The following DOCK10 variants were observed in gnomAD, a reference collection of about 807,000 sequenced individuals.
DOCK10 encodes dedicator of cytokinesis 10, also known as dedicator of cytokinesis protein 10.
Under a neutral mutation model 280.1 loss-of-function variants are expected in DOCK10, and 145 were observed. The ratio of observed to expected loss-of-function variants is 0.52; its 90% CI spans 0.45 to 0.59. The LOEUF (loss-of-function observed/expected upper bound fraction) is 0.59. DOCK10 is among the 20% of genes least tolerant of loss of function. DOCK10 has a pLI of 0.00. For missense variants in DOCK10, 2,368 were observed against 2,651.7 expected, an observed-to-expected ratio of 0.89 and a Z score of 2.35; for synonymous variants, 915 against 942.2, an observed-to-expected ratio of 0.97 and a Z score of 0.53.
At chr2:224,864,483 C>T in intron 13 of DOCK10, 70 bp downstream of exon 13, 1 of 1,423,718 alleles carries the variant, frequency 7.0e-7, no homozygotes, top group Non-Finnish European at 9.3e-7. Context: ...GCACTCCAGC[C>T]TGGGTGACAG....
chr2:224,781,324 C>A (rs1691320564), intron 50 of DOCK10, among the ~76,000 whole-genome samples: 1 of 152,070 alleles, frequency 6.6e-6, no homozygotes, highest in African/African-American at 2.4e-5. Flanking sequence ...GAAATGTAAA[C>A]CTGTTTTGTA....
intron 1 of DOCK10, among the ~76,000 whole-genome samples, chr2:224,945,990 C>G (rs906054877): frequency 1.3e-5 from 2 of 152,004 alleles, no homozygotes; most frequent in Non-Finnish European, 2.9e-5. Flanking sequence ...AACCCTGCTC[C>G]GAAAAAGGCA....
At chr2:225,027,603 T>G (rs147729861) in intron 1 of DOCK10, among the ~76,000 whole-genome samples, 2,549 of 152,144 alleles carry the variant, frequency 0.017, 40 homozygotes, top group Non-Finnish European at 0.024. Context: ...AAGTGTGTAG[T>G]GCCCCCTCCC....
chr2:224,974,438 T>C (rs1316690374), intron 1 of DOCK10, among the ~76,000 whole-genome samples: 1 of 152,168 alleles, frequency 6.6e-6, no homozygotes, highest in Non-Finnish European at 1.5e-5. Context: ...TATTGAAGGC[T>C]GACAAAAATA....
At chr2:224,968,413 A>G (rs892645713) in intron 1 of DOCK10, among the ~76,000 whole-genome samples, 9 of 152,342 alleles carry the variant, frequency 5.9e-5, no homozygotes, top group African/African-American at 1.9e-4. Flanking sequence ...AACAGTTCTC[A>G]TCTCCTGCAA....
At chr2:224,889,260 T>G (rs1444843048) in intron 4 of DOCK10, among the ~76,000 whole-genome samples, 4 of 152,220 alleles carry the variant, frequency 2.6e-5, no homozygotes, top group Non-Finnish European at 4.4e-5. Flanking sequence ...ATTGCTATTC[T>G]GTGCACTCAC....
At position 224,797,182 on chromosome 2, in the gene DOCK10, T is replaced by A. The variant is rs530103213; in HGVS notation, c.4645-36A>T. On this transcript the variant is annotated intron_variant, in intron 42 of 55. Transcript: ENST00000258390. ...GGAAGAACGGGTGAAGGGAGCAACA[T>A]GCCTTCATTTTGCTCTGTTCATTCT... 14 of 1,517,702 alleles carry A rather than the reference T, an allele frequency of 9.2e-6. 1 individual carries two copies. In the South Asian group the frequency reaches 1.8e-4, roughly 19 times the overall value. The allele number at this position is 1,517,702 out of a possible 1,614,324, so 94.0% of individuals were successfully genotyped here.
chr2:224,948,118 C>T (rs1317413537), intron 1 of DOCK10, among the ~76,000 whole-genome samples: 1 of 152,176 alleles, frequency 6.6e-6, no homozygotes, highest in African/African-American at 2.4e-5. Context: ...CTAGGCTGTT[C>T]TCTTTTCCCC....
intron 1 of DOCK10, among the ~76,000 whole-genome samples, chr2:224,944,076 GA>G (rs1167605285): frequency 1.3e-5 from 2 of 152,100 alleles, no homozygotes; most frequent in Non-Finnish European, 2.9e-5. Flanking sequence ...TTAGATTTTA[GA>G]AAGCTTAGAT....
chr2:224,829,925 T>C (rs557747484), intron 27 of DOCK10, among the ~76,000 whole-genome samples: 23 of 152,338 alleles, frequency 1.5e-4, no homozygotes, highest in African/African-American at 5.3e-4. Context: ...AGCAGATTCA[T>C]GAACTTGTAC....
intron 3 of DOCK10, among the ~76,000 whole-genome samples, chr2:224,911,682 C>T (rs556089790): frequency 1.6e-3 from 239 of 152,156 alleles, no homozygotes; most frequent in African/African-American, 5.3e-3. Context: ...GCCTTGGGTT[C>T]TAGAGACTCA....
At position 224,773,285 on chromosome 2, in the gene DOCK10, G is replaced by A. The variant is rs1164747828; in HGVS notation, c.6076C>T (p.Leu2026=). ...IQVISQSSTE[L]NPIEVAIDEM... is the part of the protein sequence containing the mutation. ...TCAATTGCCACTTCAATTGGATTCA[G>A]TTCTGTGCTCGATTGGCTAATTACT... Residue 2026 remains leucine, a synonymous_variant, in exon 53 of 56, where the codon CTG becomes TTG. Coordinates refer to ENST00000258390, the MANE Select transcript of DOCK10 (RefSeq NM_014689.3). 1 of 1,613,920 alleles carries A rather than the reference G, an allele frequency of 6.2e-7. No individual in the cohort carries two copies. The highest frequency in any genetic ancestry group is 1.3e-5 in the African/African-American group (1 of 75,054).
At chr2:224,966,680 A>T (rs1704760967) in intron 1 of DOCK10, among the ~76,000 whole-genome samples, 1 of 152,216 alleles carries the variant, frequency 6.6e-6, no homozygotes, top group Non-Finnish European at 1.5e-5. Flanking sequence ...GAAAGAGGGG[A>T]ATAACTCTCA....
intron 3 of DOCK10, among the ~76,000 whole-genome samples, chr2:224,903,938 G>A (rs1035983086): frequency 2.6e-5 from 4 of 152,008 alleles, no homozygotes; most frequent in African/African-American, 9.7e-5. Context: ...TAACCATTTT[G>A]TTTTCATTTT....
intron 40 of DOCK10, 114 bp from the exon 41 acceptor site, chr2:224,800,377 T>C: frequency 3.5e-6 from 2 of 571,000 alleles, no homozygotes; most frequent in East Asian, 2.9e-5. Flanking sequence ...TGATTAATAA[T>C]TTATTAAATC....
intron 1 of DOCK10, among the ~76,000 whole-genome samples, chr2:225,024,465 T>G (rs550108475): frequency 6.6e-6 from 1 of 152,204 alleles, no homozygotes; most frequent in Non-Finnish European, 1.5e-5. Flanking sequence ...ATTTTAAGTA[T>G]GGCAAAATGT....
chr2:224,877,787 A>T (rs941422985), intron 7 of DOCK10, among the ~76,000 whole-genome samples: 3 of 152,250 alleles, frequency 2.0e-5, no homozygotes, highest in Non-Finnish European at 4.4e-5. Flanking sequence ...CTGGTATGAG[A>T]TTGGAACATA....
At chr2:225,002,003 A>G (rs1020536653) in intron 1 of DOCK10, among the ~76,000 whole-genome samples, 1 of 152,218 alleles carries the variant, frequency 6.6e-6, no homozygotes, top group Non-Finnish European at 1.5e-5. Flanking sequence ...GGCGACACAC[A>G]TAAGCAACCC....
Position 224,787,341 on chromosome 2 carries a change from T to A in DOCK10, c.5475A>T (p.Arg1825=). 1 of 1,614,038 alleles carries A rather than the reference T, an allele frequency of 6.2e-7. No individual in the cohort carries two copies. Among genetic ancestry groups the A allele is most frequent in the East Asian group, 2.2e-5 (1 of 44,886 alleles). The change falls in exon 49 of 56, where the codon CGA becomes CGT. Residue 1825 remains arginine (R), a synonymous_variant. Coordinates refer to ENST00000258390, the MANE Select transcript of DOCK10 (RefSeq NM_014689.3). ...TGTTGACATCAGCAATGAGTTCATA[T>A]CGCTCAGACTTCCAGAGAAACTCCA... The part of the protein sequence containing the change: ...MCVEFLWKSE[R]YELIADVNKP...
Sources: allele counts gnomAD v4.1 joint callset (sites outside exome capture counted in the v4.1 genomes callset), GRCh38; gene constraint gnomAD v4.1.1; transcripts MANE v1.5; gene names NCBI Gene and HGNC (gene_info 2026-07-23, HGNC 2026-07-21).